Variants in TMCO1 observed in about 807,000 individuals in gnomAD.
TMCO1 encodes the protein calcium load-activated calcium channel.
A neutral mutation model predicts 29.3 loss-of-function variants in TMCO1; 29 were observed. The ratio of observed to expected loss-of-function variants is 0.99; its 90% CI spans 0.74 to 1.35. The LOEUF (loss-of-function observed/expected upper bound fraction) is 1.35. Ranked by LOEUF, TMCO1 falls within the 40% of genes most tolerant of loss-of-function variation. The pLI is 0.00. For synonymous variants in TMCO1, 80 were observed against 77.1 expected, an observed-to-expected ratio of 1.04 and a Z score of -0.20; for missense variants, 173 against 225.5, an observed-to-expected ratio of 0.77 and a Z score of 1.49.
At chr1:165,750,153 T>C (rs1275759491) in intron 5 of TMCO1, among the ~76,000 whole-genome samples, 1 of 152,116 alleles carries the variant, frequency 6.6e-6, no homozygotes, top group Non-Finnish European at 1.5e-5. Context: ...ACTCACGAAA[T>C]ACTAGGATAT....
At chr1:165,730,167 C>CA (rs1294499398) in intron 6 of TMCO1, among the ~76,000 whole-genome samples, 4 of 133,370 alleles carry the variant, frequency 3.0e-5, no homozygotes, top group African/African-American at 1.1e-4. Context: ...TAAAAATACA[C>CA]ACACACAAAA....
chr1:165,748,758 A>G (rs1335414749), intron 5 of TMCO1, among the ~76,000 whole-genome samples: 7 of 152,190 alleles, frequency 4.6e-5, no homozygotes, highest in Non-Finnish European at 5.9e-5. Flanking sequence ...ATGGGTTTGG[A>G]CAAATATATA....
intron 6 of TMCO1, among the ~76,000 whole-genome samples, chr1:165,740,011 C>T (rs149319140): frequency 0.037 from 5,577 of 151,522 alleles, 322 homozygotes; most frequent in African/African-American, 0.13. Context: ...TCTTGGGAGG[C>T]TGAGGCAGGA....
downstream of TMCO1, chr1:165,724,580 G>T (rs747800635): frequency 2.4e-5 from 11 of 453,958 alleles, no homozygotes; most frequent in Non-Finnish European, 4.0e-5. Flanking sequence ...CAGATCACCA[G>T]CTCTGGGGTG....
intron 3 of TMCO1, among the ~76,000 whole-genome samples, chr1:165,754,632 T>A (rs534783089): frequency 3.9e-5 from 6 of 152,310 alleles, no homozygotes; most frequent in South Asian, 2.1e-4. Context: ...AAATTAGTTA[T>A]CCTTCTCTTA....
At chr1:165,745,127 C>T (rs1389765520) in intron 5 of TMCO1, among the ~76,000 whole-genome samples, 1 of 151,772 alleles carries the variant, frequency 6.6e-6, no homozygotes, top group Non-Finnish European at 1.5e-5. Context: ...CTCAAAGAAT[C>T]CTCCTGCCTC....
chr1:165,735,532 G>A (rs1336347122), intron 6 of TMCO1, among the ~76,000 whole-genome samples: 1 of 89,758 alleles, frequency 1.1e-5, no homozygotes, highest in African/African-American at 4.5e-5. Flanking sequence ...TTTTTTTTTT[G>A]GAGACAGAAT....
intron 2 of TMCO1, among the ~76,000 whole-genome samples, chr1:165,763,234 G>A (rs1652458065): frequency 6.6e-6 from 1 of 152,110 alleles, no homozygotes; most frequent in African/African-American, 2.4e-5. Flanking sequence ...AAGGAATTCT[G>A]TATTTGCAAT....
chr1:165,731,742 G>A (rs1421882826), intron 6 of TMCO1, among the ~76,000 whole-genome samples: 1 of 152,170 alleles, frequency 6.6e-6, no homozygotes, highest in African/African-American at 2.4e-5. Context: ...AGCAATAGCA[G>A]CAACAAAAAA....
intron 5 of TMCO1, among the ~76,000 whole-genome samples, chr1:165,750,229 TA>T (rs1651945237): frequency 1.3e-5 from 2 of 152,226 alleles, no homozygotes; most frequent in South Asian, 4.1e-4. Context: ...TGATGATTAA[TA>T]AAAAATTAGT....
Position 165,754,209 on chromosome 1 carries a change from T to A in TMCO1, c.255+19A>T, listed in dbSNP as rs750010905. 1 of 1,599,164 alleles carries A rather than the reference T, an allele frequency of 6.3e-7. No individual in the cohort carries two copies. The highest frequency in any genetic ancestry group is 8.6e-7 in the Non-Finnish European group (1 of 1,167,060). On this transcript the variant is annotated intron_variant, in intron 4 of 6. Transcript: ENST00000367881. ...AAATATTATGTGGTTAACCATGAAG[T>A]TATAGTTAGGTCTCTTACCATTGAT...
chr1:165,765,664 C>T (rs1652542434), intron 2 of TMCO1, among the ~76,000 whole-genome samples: 1 of 152,138 alleles, frequency 6.6e-6, no homozygotes, highest in Admixed American at 6.6e-5. Context: ...AGGATTAGCC[C>T]AGCACATATT....
At chr1:165,747,798 G>A (rs772776941) in intron 5 of TMCO1, among the ~76,000 whole-genome samples, 5 of 152,134 alleles carry the variant, frequency 3.3e-5, no homozygotes, top group Non-Finnish European at 7.4e-5. Context: ...CAAGTTAAGT[G>A]ACTTAGAGTC....
intron 6 of TMCO1, among the ~76,000 whole-genome samples, chr1:165,739,487 A>G (rs1285009115): frequency 6.6e-6 from 1 of 152,040 alleles, no homozygotes; most frequent in Non-Finnish European, 1.5e-5. Context: ...TCCCGGGCTC[A>G]AGCAATCTTC....
chr1:165,753,252 G>A (rs1652065028), intron 4 of TMCO1, among the ~76,000 whole-genome samples: 1 of 151,682 alleles, frequency 6.6e-6, no homozygotes, highest in African/African-American at 2.4e-5. Context: ...GCAGGTGGAT[G>A]GCTTGAGCTC....
At chr1:165,755,670 A>G (rs1385713654) in intron 3 of TMCO1, among the ~76,000 whole-genome samples, 1 of 152,128 alleles carries the variant, frequency 6.6e-6, no homozygotes, top group African/African-American at 2.4e-5. Context: ...ACAAAAACAA[A>G]AGCAAAACAA....
intron 2 of TMCO1, among the ~76,000 whole-genome samples, chr1:165,763,824 G>A (rs908085964): frequency 6.6e-6 from 1 of 151,982 alleles, no homozygotes; most frequent in African/African-American, 2.4e-5. Flanking sequence ...ATGGGGTTTT[G>A]CCATGTTGCC....
intron 3 of TMCO1, 49 bp downstream of exon 3, chr1:165,759,476 A>T (rs1186543240): frequency 7.5e-7 from 1 of 1,334,596 alleles, no homozygotes; most frequent in Non-Finnish European, 1.1e-6. Context: ...CTAAGAATTA[A>T]TTTTTTTAAG....
At position 165,768,568 on chromosome 1, in the gene TMCO1, T is replaced by G. The variant is rs182238448; in HGVS notation, c.70+114A>C. The G allele has an allele frequency of 4.4e-6, 7 of 1,582,198 alleles. No individual in the cohort carries two copies. The African/African-American group carries it at 8.1e-5, about 18-fold the overall frequency. On this transcript the variant is annotated intron_variant, in intron 1 of 6. Transcript: ENST00000367881. ...TGCCCAGAGATTCCCTGAAGTGGAG[T>G]AGATGAGCCTCTCAAGCAAGTAAGG...
Sources: gnomAD v4.1 joint callset for allele counts (sites outside exome capture counted in the v4.1 genomes callset) on GRCh38, gnomAD v4.1.1 for gene constraint, MANE v1.5 for transcripts, NCBI Gene and HGNC (gene_info 2026-07-23, HGNC 2026-07-21) for gene names.